The following ROBO1 variants were observed in gnomAD, a reference collection of about 807,000 sequenced individuals.
ROBO1 encodes roundabout homolog 1.
ROBO1 carries 149 observed loss-of-function variants against 195.9 expected under a neutral mutation model. The ratio of observed to expected loss-of-function variants is 0.76; its 90% CI spans 0.67 to 0.87. The LOEUF (loss-of-function observed/expected upper bound fraction) is 0.87, where lower values mean the gene tolerates loss of function less well. ROBO1 is among the 40% of genes least tolerant of loss of function. The pLI is 0.00. For synonymous variants in ROBO1, 816 were observed against 733.2 expected (o/e 1.11, Z -1.82); for missense variants, 1,933 against 2,068.3 (o/e 0.93, Z 1.27).
At chr3:79,481,300 T>C (rs1234338653) in intron 2 of ROBO1, among the ~76,000 whole-genome samples, 1 of 152,142 alleles carries the variant, frequency 6.6e-6, no homozygotes, top group Non-Finnish European at 1.5e-5. Flanking sequence ...CTGAATTTTG[T>C]CGAACACAAT....
At chr3:79,198,393 C>T (rs2081686167) in intron 2 of ROBO1, among the ~76,000 whole-genome samples, 1 of 151,980 alleles carries the variant, frequency 6.6e-6, no homozygotes, top group African/African-American at 2.4e-5. Context: ...TTCCATTGGT[C>T]TATATATCTG....
chr3:78,807,275 A>C (rs2084574757), intron 4 of ROBO1, among the ~76,000 whole-genome samples: 1 of 152,182 alleles, frequency 6.6e-6, no homozygotes, highest in Admixed American at 6.5e-5. Context: ...TCTCTTTAAC[A>C]AAGATTTTAA....
chr3:79,549,145 A>G (rs1320659563), intron 2 of ROBO1, among the ~76,000 whole-genome samples: 1 of 152,190 alleles, frequency 6.6e-6, no homozygotes, highest in African/African-American at 2.4e-5. Flanking sequence ...CAAGCAGAGT[A>G]ATTTTTAGCA....
chr3:78,696,221 T>C (rs2081286430), intron 8 of ROBO1, among the ~76,000 whole-genome samples: 1 of 151,794 alleles, frequency 6.6e-6, no homozygotes. Context: ...CCTATCCTTC[T>C]CATAGCCCTT....
chr3:79,463,129 T>G (rs1270814756), intron 2 of ROBO1, among the ~76,000 whole-genome samples: 1 of 152,104 alleles, frequency 6.6e-6, no homozygotes, highest in East Asian at 1.9e-4. Flanking sequence ...ATCCCAGCAC[T>G]TTGGGAAGCT....
chr3:79,734,669 T>C (rs1703302109), intron 1 of ROBO1, among the ~76,000 whole-genome samples: 1 of 152,166 alleles, frequency 6.6e-6, no homozygotes, highest in African/African-American at 2.4e-5. Context: ...TTGCTCTAAA[T>C]TTCAAATTGC....
rs550337271 is a variant in ROBO1, at chr3:78,666,506, G to C, written c.1966+1377C>G. ...GGAGACCACTGTACTGGGGACAAAAGTTTAAATTCATTTTATAGCTATCAT... is the reference window on the plus strand; with the variant it reads ...GGAGACCACTGTACTGGGGACAAAACTTTAAATTCATTTTATAGCTATCAT... On this transcript the variant is annotated intron_variant, in intron 14 of 30. Coordinates refer to ENST00000464233, the MANE Select transcript of ROBO1 (RefSeq NM_002941.4). Among the ~76,000 whole-genome samples the C allele has an allele frequency of 3.3e-5, 5 of 152,288 alleles. No homozygotes were observed. The East Asian group carries it at 9.6e-4, about 29-fold the overall frequency.
At chr3:79,441,572 A>T (rs961448134) in intron 2 of ROBO1, among the ~76,000 whole-genome samples, 1 of 152,160 alleles carries the variant, frequency 6.6e-6, no homozygotes. Context: ...AGAAAATAGA[A>T]TAAGAGCATA....
intron 3 of ROBO1, among the ~76,000 whole-genome samples, chr3:79,109,839 A>G (rs1009737001): frequency 3.9e-5 from 6 of 152,190 alleles, no homozygotes; most frequent in Admixed American, 3.9e-4. Flanking sequence ...TCCTACTTGT[A>G]TAATCATTTA....
chr3:78,694,018 C>T (rs893280380), intron 8 of ROBO1, among the ~76,000 whole-genome samples: 21 of 152,056 alleles, frequency 1.4e-4, no homozygotes, highest in Middle Eastern at 3.2e-3. Context: ...AAAGGTGTTG[C>T]ATTTAAATTC....
At chr3:79,058,122 A>T (rs1181289772) in intron 3 of ROBO1, among the ~76,000 whole-genome samples, 1 of 152,026 alleles carries the variant, frequency 6.6e-6, no homozygotes, top group Non-Finnish European at 1.5e-5. Context: ...AACCTGGGGA[A>T]AACCATGCCC....
intron 2 of ROBO1, among the ~76,000 whole-genome samples, chr3:79,422,268 G>T (rs2038258987): frequency 6.7e-6 from 1 of 150,372 alleles, no homozygotes; most frequent in African/African-American, 2.4e-5. Context: ...ATAATATTTT[G>T]ATTAACCTAG....
intron 2 of ROBO1, among the ~76,000 whole-genome samples, chr3:79,531,320 A>G (rs1941652257): frequency 6.6e-6 from 1 of 152,162 alleles, no homozygotes; most frequent in Non-Finnish European, 1.5e-5. Flanking sequence ...AATATTTGGC[A>G]CATAACATTA....
At chr3:79,086,768 T>A (rs949823950) in intron 3 of ROBO1, among the ~76,000 whole-genome samples, 1 of 152,120 alleles carries the variant, frequency 6.6e-6, no homozygotes, top group African/African-American at 2.4e-5. Context: ...GAAGAGACAA[T>A]CTTTTATTTT....
At chr3:79,084,586 C>T (rs1053362119) in intron 3 of ROBO1, among the ~76,000 whole-genome samples, 1 of 152,146 alleles carries the variant, frequency 6.6e-6, no homozygotes, top group East Asian at 1.9e-4. Flanking sequence ...CCAGGAATTT[C>T]CTCAAATGCT....
chr3:79,436,337 T>A (rs2038888009), intron 2 of ROBO1, among the ~76,000 whole-genome samples: 1 of 140,958 alleles, frequency 7.1e-6, no homozygotes, highest in Non-Finnish European at 1.6e-5. Flanking sequence ...ATCTGTACCA[T>A]GTTTGATTTG....
chr3:78,751,692 GT>G (rs1162760644), intron 4 of ROBO1, among the ~76,000 whole-genome samples: 1 of 151,956 alleles, frequency 6.6e-6, no homozygotes, highest in East Asian at 1.9e-4. Context: ...GCATTCCTGT[GT>G]TTTTTCAGAT....
intron 3 of ROBO1, among the ~76,000 whole-genome samples, chr3:79,097,562 A>G (rs1484936121): frequency 6.6e-6 from 1 of 151,790 alleles, no homozygotes; most frequent in Admixed American, 6.6e-5. Context: ...TTTGTATTAT[A>G]TAATCAAATT....
intron 4 of ROBO1, among the ~76,000 whole-genome samples, chr3:78,900,194 T>C (rs566321415): frequency 2.6e-5 from 4 of 152,298 alleles, no homozygotes; most frequent in Non-Finnish European, 5.9e-5. Flanking sequence ...ATAGAATCAA[T>C]AGTAACATAT....
Sources: allele counts gnomAD v4.1 joint callset (sites outside exome capture counted in the v4.1 genomes callset), GRCh38; gene constraint gnomAD v4.1.1; transcripts MANE v1.5; gene names NCBI Gene and HGNC (gene_info 2026-07-23, HGNC 2026-07-21).